PVALB: variants seen among roughly 807,000 people sequenced by gnomAD.
PVALB encodes parvalbumin alpha.
A neutral mutation model predicts 10.9 loss-of-function variants in PVALB; 11 were observed. The ratio of observed to expected loss-of-function variants is 1.01; its 90% confidence interval spans 0.63 to 1.67. PVALB has a LOEUF of 1.67. Among genes scored for constraint, PVALB ranks in the 40% most tolerant of loss-of-function variants. The probability of loss-of-function intolerance (pLI) is 0.00; values close to 1 mark genes in which losing one functional copy is unlikely to be tolerated. For missense variants in PVALB, 131 were observed against 136.2 expected (o/e 0.96, Z 0.19); for synonymous variants, 57 against 50.7 (o/e 1.12, Z -0.53).
At chr22:36,803,416 C>T (rs975541330) in intron 3 of PVALB, among the ~76,000 whole-genome samples, 9 of 152,162 alleles carry the variant, frequency 5.9e-5, no homozygotes, top group African/African-American at 1.4e-4. Context: ...CTCTAGAGGG[C>T]AGGGGAGCCT....
intron 3 of PVALB, among the ~76,000 whole-genome samples, chr22:36,801,377 T>C (rs1938861879): frequency 6.6e-6 from 1 of 152,218 alleles, no homozygotes. Flanking sequence ...CTCTGCTGTT[T>C]TTCTCCCCAG....
At chr22:36,804,676 C>T (rs1446810464) in intron 3 of PVALB, among the ~76,000 whole-genome samples, 1 of 152,200 alleles carries the variant, frequency 6.6e-6, no homozygotes, top group East Asian at 1.9e-4. Context: ...TGGCTCATGC[C>T]TGTAATCACA....
intron 3 of PVALB, among the ~76,000 whole-genome samples, chr22:36,805,369 G>A (rs917492306): frequency 6.6e-6 from 1 of 152,214 alleles, no homozygotes; most frequent in Non-Finnish European, 1.5e-5. Flanking sequence ...ATCTGGTGGT[G>A]TTGCAACCAA....
chr22:36,813,500 C>T lies in PVALB; in HGVS notation c.304+146G>A, dbSNP rs1334364404. On this transcript the variant is annotated intron_variant, in intron 3 of 3. Coordinates refer to ENST00000417718, the MANE Select transcript of PVALB (RefSeq NM_001315532.2). ...GGAGTATGTGGCAGAGCTCTCAGAC[C>T]TAATGGACTGCTTTTTGTCTTCTAA... is the stretch of plus-strand genomic sequence containing the variant. The T allele has an allele frequency of 4.5e-6, 3 of 667,292 alleles. No homozygotes were observed. The African/African-American group carries it at 5.4e-5, about 12-fold the overall frequency. The allele number at this position is 667,292 out of a possible 1,614,324, so 41.3% of individuals were successfully genotyped here.
chr22:36,806,919 C>T (rs1007660562), intron 3 of PVALB, among the ~76,000 whole-genome samples: 9 of 152,024 alleles, frequency 5.9e-5, no homozygotes, highest in Admixed American at 2.0e-4. Context: ...GTTAAATGGT[C>T]CTGGTTCTGA....
In PVALB at chr22:36,815,131, T is replaced by A; in HGVS notation, c.166A>T (p.Ser56Cys). Residue 56 changes from serine to cysteine, a missense_variant, in exon 2 of 4, where the codon AGT (serine) becomes TGT (cysteine). Coordinates refer to ENST00000417718, the MANE Select transcript of PVALB (RefSeq NM_001315532.2). ...KVFHMLDKDK[S>C]GFIEEDELGF... ...AGCTCATCCTCCTCGATGAAGCCAC[T>A]TTTGTCCTTGTCCAGCATGTGAAAC... The A allele has an allele frequency of 6.2e-7, 1 of 1,614,164 alleles. No homozygotes were observed. Among genetic ancestry groups the A allele is most frequent in the Non-Finnish European group, 8.5e-7 (1 of 1,180,008 alleles).
At chr22:36,817,635 C>G (rs576775376), upstream of PVALB, 369 of 154,622 alleles carry the variant, frequency 2.4e-3, no homozygotes, top group Non-Finnish European at 3.6e-3. Flanking sequence ...CAGGCAGGAG[C>G]TGCTGGGGCC....
intron 3 of PVALB, among the ~76,000 whole-genome samples, chr22:36,809,171 C>T (rs1939008622): frequency 6.6e-6 from 1 of 152,214 alleles, no homozygotes; most frequent in African/African-American, 2.4e-5. Context: ...GATCCCCAAC[C>T]TTGGCTTGCA....
At chr22:36,814,268 AGTGTGTGTGTGTGTGT>A (rs36215449) in intron 2 of PVALB, among the ~76,000 whole-genome samples, 35 of 148,150 alleles carry the variant, frequency 2.4e-4, no homozygotes, top group African/African-American at 6.0e-4. Flanking sequence ...AGCCTCTGTG[AGTGTGTGTGTGTGTGT>A]GTGTGTGTGT....
upstream of PVALB, chr22:36,817,054 G>A: frequency 6.5e-7 from 1 of 1,547,904 alleles, no homozygotes; most frequent in Non-Finnish European, 8.8e-7. Flanking sequence ...ATTAAAAAGT[G>A]CTTTTCTCAT....
intron 3 of PVALB, among the ~76,000 whole-genome samples, chr22:36,802,603 CAAAAAA>C (rs60843863): frequency 2.9e-4 from 8 of 27,796 alleles, no homozygotes; most frequent in African/African-American, 8.4e-4. Context: ...CCATCTCACA[CAAAAAA>C]AAAAAAAAAA....
intron 3 of PVALB, among the ~76,000 whole-genome samples, chr22:36,808,115 T>G (rs1015364251): frequency 1.2e-4 from 19 of 152,246 alleles, no homozygotes; most frequent in Non-Finnish European, 2.8e-4. Context: ...GGATCTTCTC[T>G]GCAGCAAGAT....
At chr22:36,805,645 C>T (rs913916451) in intron 3 of PVALB, among the ~76,000 whole-genome samples, 2 of 152,210 alleles carry the variant, frequency 1.3e-5, no homozygotes, top group South Asian at 2.1e-4. Context: ...TACTTTAGCT[C>T]TCTGAGGCTC....
intron 3 of PVALB, among the ~76,000 whole-genome samples, chr22:36,804,090 G>A (rs1894479): frequency 0.32 from 48,535 of 152,102 alleles, 9,106 homozygotes; most frequent in Non-Finnish European, 0.43. Flanking sequence ...GTCCATCACC[G>A]CCTGCTCATG....
In PVALB at chr22:36,805,154, C is replaced by T. The variant is rs113973543; in HGVS notation, c.305-4236G>A. The stretch of plus-strand genomic sequence containing the variant: ...ATGAGTGAGTGTTGGGTCTAGAAGA[C>T]GCCTTTCCAGCTGTCACACGGTGTT... On this transcript the variant is annotated intron_variant, in intron 3 of 3. Transcript: ENST00000417718. Among the ~76,000 whole-genome samples the T allele has an allele frequency of 2.9e-3, 435 of 152,250 alleles. 3 individuals are homozygous for T. The highest frequency in any genetic ancestry group is 9.0e-3 in the African/African-American group (375 of 41,540).
chr22:36,819,275 G>A (rs762341204), upstream of PVALB, among the ~76,000 whole-genome samples: 17 of 152,152 alleles, frequency 1.1e-4, no homozygotes, highest in Non-Finnish European at 2.1e-4. Flanking sequence ...AGGAATGCAT[G>A]CTCTCAGCCC....
chr22:36,808,578 C>T (rs1487892709), intron 3 of PVALB, among the ~76,000 whole-genome samples: 1 of 152,182 alleles, frequency 6.6e-6, no homozygotes, highest in African/African-American at 2.4e-5. Context: ...TGTGGTTCGC[C>T]AGATCATTAG....
rs3484 is a variant in PVALB, at chr22:36,800,827, G to A, written c.*63C>T. Reference sequence around the variant, plus strand: ...CTGAACAGAAATGCAGGAGGGTGGCGAGAGGGGCCGAGATTGGGTGTTCAG... The same window carrying A: ...CTGAACAGAAATGCAGGAGGGTGGCAAGAGGGGCCGAGATTGGGTGTTCAG... On this transcript the variant is annotated 3_prime_UTR_variant, in exon 4 of 4. Coordinates refer to ENST00000417718, the MANE Select transcript of PVALB (RefSeq NM_001315532.2). 0.48 allele frequency: 734,352 copies of A among 1,524,144 alleles called. 179,067 individuals are homozygous for A. The highest frequency in any genetic ancestry group is 0.66 in the East Asian group (29,403 of 44,420). 94.4% of individuals were successfully genotyped at this position (1,524,144 alleles called of 1,614,324 possible). A position where few individuals can be genotyped will look rare whatever the true frequency, so the allele number is the denominator to read the frequency against.
intron 2 of PVALB, among the ~76,000 whole-genome samples, chr22:36,814,002 C>T (rs531066609): frequency 1.3e-5 from 2 of 152,292 alleles, no homozygotes; most frequent in East Asian, 3.9e-4. Flanking sequence ...GGGAGGGCAC[C>T]TACATTCGTT....
Sources: gnomAD v4.1 joint callset for allele counts (sites outside exome capture counted in the v4.1 genomes callset) on GRCh38, gnomAD v4.1.1 for gene constraint, MANE v1.5 for transcripts, NCBI Gene and HGNC (gene_info 2026-07-23, HGNC 2026-07-21) for gene names.